The following PRMT3 variants were observed in gnomAD, a reference collection of about 807,000 sequenced individuals.
The protein encoded by PRMT3 is protein arginine N-methyltransferase 3.
In PRMT3, 62 loss-of-function variants were observed where a neutral mutation model predicts 71.9. The observed-to-expected ratio is 0.86, with a 90% CI of 0.70 to 1.07. The LOEUF is 1.07. PRMT3 is among the 50% of genes least tolerant of loss of function. The pLI is 0.00. For synonymous variants in PRMT3, 213 were observed against 220.4 expected (o/e 0.97, Z 0.30); for missense variants, 663 against 643.0 (o/e 1.03, Z -0.34).
At chr11:20,508,175 A>AT in intron 15 of PRMT3, 129 bp from the exon 16 acceptor site, 1 of 496,552 alleles carries the variant, frequency 2.0e-6, no homozygotes, top group Non-Finnish European at 3.5e-6. Flanking sequence ...AAAAAAGAAT[A>AT]TTAACCTTAA....
rs781673667 is a variant in PRMT3, at chr11:20,389,778, TGTAA to T, written c.202_205del (p.Lys68LeufsTer24). The stretch of plus-strand genomic sequence containing the variant: ...ATCTGCTGAAGAAACATTTTCACAC[TGTAA>T]GTCTGAGCATCAGTTTAATATTGAC... On this transcript the variant is annotated frameshift_variant, in exon 3 of 16. Coordinates refer to ENST00000331079, the MANE Select transcript of PRMT3 (RefSeq NM_005788.4). LOFTEE classifies it high-confidence loss of function. The T allele has an allele frequency of 3.1e-6, 5 of 1,612,564 alleles. No homozygotes were observed. Among genetic ancestry groups the T allele is most frequent in the Non-Finnish European group, 2.5e-6 (3 of 1,178,730 alleles).
intron 13 of PRMT3, among the ~76,000 whole-genome samples, chr11:20,491,065 CT>C (rs1367411173): frequency 6.6e-6 from 1 of 152,138 alleles, no homozygotes; most frequent in Admixed American, 6.5e-5. Context: ...TTTTTCCCTT[CT>C]TCAAATTGGA....
chr11:20,438,062 C>T (rs1849801875), intron 10 of PRMT3, among the ~76,000 whole-genome samples: 1 of 152,120 alleles, frequency 6.6e-6, no homozygotes, highest in Admixed American at 6.5e-5. Flanking sequence ...GCATCAGAAT[C>T]CCATGAACCT....
At chr11:20,410,852 T>G (rs1219578655) in intron 9 of PRMT3, among the ~76,000 whole-genome samples, 1 of 152,044 alleles carries the variant, frequency 6.6e-6, no homozygotes, top group Admixed American at 6.6e-5. Flanking sequence ...GTGAAAGAAA[T>G]ATGTCCCTGA....
chr11:20,418,034 A>T (rs1389418682), intron 9 of PRMT3, among the ~76,000 whole-genome samples: 1 of 152,166 alleles, frequency 6.6e-6, no homozygotes, highest in Non-Finnish European at 1.5e-5. Flanking sequence ...AATCATGATG[A>T]TGTCCCTGTA....
chr11:20,425,062 C>A (rs1378365113), intron 9 of PRMT3, among the ~76,000 whole-genome samples: 2 of 150,770 alleles, frequency 1.3e-5, no homozygotes, highest in African/African-American at 2.4e-5. Context: ...GCTGTCATTG[C>A]ACCACTGCAT....
intron 15 of PRMT3, among the ~76,000 whole-genome samples, chr11:20,494,527 T>C (rs969113350): frequency 1.5e-4 from 23 of 152,070 alleles, no homozygotes; most frequent in African/African-American, 5.3e-4. Flanking sequence ...AGAGATGGGG[T>C]TTCACCATGT....
At chr11:20,448,976 G>C (rs111452526) in intron 10 of PRMT3, among the ~76,000 whole-genome samples, 1 of 152,070 alleles carries the variant, frequency 6.6e-6, no homozygotes. Flanking sequence ...GCAGATGAGC[G>C]GGGCATTTGG....
intron 11 of PRMT3, among the ~76,000 whole-genome samples, chr11:20,457,925 T>G (rs1325220625): frequency 1.3e-5 from 2 of 152,204 alleles, no homozygotes; most frequent in African/African-American, 4.8e-5. Context: ...TCAAAGCATA[T>G]TACAGCTATA....
intron 10 of PRMT3, among the ~76,000 whole-genome samples, chr11:20,438,438 C>T (rs934986601): frequency 1.3e-5 from 2 of 152,080 alleles, no homozygotes; most frequent in African/African-American, 4.8e-5. Flanking sequence ...GGCCTAAAGG[C>T]ACAGTGATGA....
intron 10 of PRMT3, among the ~76,000 whole-genome samples, chr11:20,448,434 C>T (rs1036472421): frequency 2.0e-5 from 3 of 152,076 alleles, no homozygotes; most frequent in Non-Finnish European, 4.4e-5. Flanking sequence ...AGATATACTA[C>T]ATAGAAATTA....
intron 13 of PRMT3, among the ~76,000 whole-genome samples, chr11:20,477,802 A>AACCCCCCCC (rs1850829206): frequency 8.6e-6 from 1 of 116,448 alleles, no homozygotes; most frequent in Non-Finnish European, 1.8e-5. Context: ...CTTAGGAGAA[A>AACCCCCCCC]CCCCCCCCCC....
chr11:20,496,663 G>A (rs1851341506), intron 15 of PRMT3, among the ~76,000 whole-genome samples: 1 of 151,878 alleles, frequency 6.6e-6, no homozygotes, highest in African/African-American at 2.4e-5. Flanking sequence ...ACATATAAAG[G>A]AAAACTTTGT....
At chr11:20,426,245 G>T (rs1849542792) in intron 9 of PRMT3, among the ~76,000 whole-genome samples, 1 of 152,192 alleles carries the variant, frequency 6.6e-6, no homozygotes, top group Non-Finnish European at 1.5e-5. Context: ...TTAATAGCCT[G>T]TGACGTAAAT....
intron 13 of PRMT3, among the ~76,000 whole-genome samples, chr11:20,488,008 T>C (rs951051052): frequency 6.6e-6 from 1 of 152,162 alleles, no homozygotes; most frequent in African/African-American, 2.4e-5. Context: ...ACTTCCCATA[T>C]TGCTTTGTCT....
chr11:20,397,902 G>A (rs1476162778), intron 7 of PRMT3, among the ~76,000 whole-genome samples, 181 bp downstream of exon 7: 2 of 151,406 alleles, frequency 1.3e-5, no homozygotes, highest in African/African-American at 2.4e-5. Flanking sequence ...GACTGGGCAC[G>A]GTGGCACATG....
At chr11:20,403,011 A>G in intron 8 of PRMT3, 27 bp downstream of exon 8, 1 of 1,499,474 alleles carries the variant, frequency 6.7e-7, no homozygotes, top group South Asian at 1.1e-5. Context: ...ATAGAATTAT[A>G]CATTTCATCT....
At chr11:20,427,678 A>T (rs1459508194) in intron 10 of PRMT3, among the ~76,000 whole-genome samples, 1 of 152,140 alleles carries the variant, frequency 6.6e-6, no homozygotes, top group Non-Finnish European at 1.5e-5. Context: ...GTGAGCCAGG[A>T]TCACGCCACT....
intron 15 of PRMT3, among the ~76,000 whole-genome samples, chr11:20,504,719 AGAGAGAGAGAGAGAGAGAGAGAGAGAGC>A (rs1565243457): frequency 6.7e-6 from 1 of 148,666 alleles, no homozygotes; most frequent in East Asian, 2.0e-4. Flanking sequence ...AGAGAGAGAG[AGAGAGAGAGAGAGAGAGAGAGAGAGAGC>A]GAGAGCGACT....
Sources: allele counts gnomAD v4.1 joint callset (sites outside exome capture counted in the v4.1 genomes callset), GRCh38; gene constraint gnomAD v4.1.1; transcripts MANE v1.5; gene names NCBI Gene and HGNC (gene_info 2026-07-23, HGNC 2026-07-21).